Variants in KYNU observed in about 807,000 individuals in gnomAD.
The protein encoded by KYNU is kynureninase, also known as L-kynurenine hydrolase.
In KYNU, 54 loss-of-function variants were observed where a neutral mutation model predicts 59.2. The ratio of observed to expected loss-of-function variants is 0.91; its 90% CI spans 0.73 to 1.14. The LOEUF (loss-of-function observed/expected upper bound fraction) is 1.14, where lower values mean the gene tolerates loss of function less well. Among genes scored for constraint, KYNU ranks in the 50% most tolerant of loss-of-function variants. The probability of loss-of-function intolerance (pLI) is 0.00; values close to 1 mark genes in which losing one functional copy is unlikely to be tolerated. For synonymous variants in KYNU, 177 were observed against 192.0 expected (o/e 0.92, Z 0.65); for missense variants, 567 against 554.4 (o/e 1.02, Z -0.23).
intron 10 of KYNU, among the ~76,000 whole-genome samples, chr2:143,023,204 A>G (rs1686456413): frequency 6.6e-6 from 1 of 151,940 alleles, no homozygotes; most frequent in South Asian, 2.1e-4. Context: ...TTACCAATTC[A>G]GTATGTATTT....
chr2:142,946,672 G>A (rs1683792016), intron 4 of KYNU, among the ~76,000 whole-genome samples: 1 of 152,174 alleles, frequency 6.6e-6, no homozygotes, highest in Non-Finnish European at 1.5e-5. Flanking sequence ...AGTAGATTAA[G>A]CATAATTCTT....
At position 143,045,855 on chromosome 2, in the gene KYNU, C is replaced by T. The variant is rs188027085; in HGVS notation, c.*3683C>T. 3.2e-4 allele frequency: 49 copies of T among 152,192 alleles called. 1 individual carries two copies. The highest frequency in any genetic ancestry group is 1.1e-3 in the African/African-American group (47 of 41,540). The allele number at this position is 152,192 out of a possible 1,614,324, so 9.4% of individuals were successfully genotyped here. ...ACAAAACATATGTGTTTTCAGTTCT[C>T]ATGGAACAAGCAGCTTAGTAGGAGA... On this transcript the variant is annotated 3_prime_UTR_variant, in exon 14 of 14. Coordinates refer to ENST00000264170, the MANE Select transcript of KYNU (RefSeq NM_003937.3).
At chr2:143,007,335 AAT>A (rs1277890639) in intron 10 of KYNU, among the ~76,000 whole-genome samples, 1 of 150,594 alleles carries the variant, frequency 6.6e-6, no homozygotes, top group African/African-American at 2.5e-5. Context: ...AATGAAATGA[AAT>A]GAGAAGGGAA....
At chr2:142,903,470 A>G (rs1573769538) in intron 2 of KYNU, among the ~76,000 whole-genome samples, 1 of 152,010 alleles carries the variant, frequency 6.6e-6, no homozygotes, top group Non-Finnish European at 1.5e-5. Context: ...TGAAAAGAGT[A>G]AAGTTCCCCA....
intron 13 of KYNU, among the ~76,000 whole-genome samples, chr2:143,040,914 A>C (rs184255537): frequency 1.3e-5 from 2 of 152,216 alleles, no homozygotes; most frequent in Admixed American, 1.3e-4. Context: ...TTCTTTTCAT[A>C]ACAGTTTGGG....
chr2:142,924,806 A>AACTTTAATACTGATGTTTATAACGGC, intron 3 of KYNU, among the ~76,000 whole-genome samples: 1 of 152,168 alleles, frequency 6.6e-6, no homozygotes, highest in Non-Finnish European at 1.5e-5. Context: ...ATTTTTTCTT[A>AACTTTAATACTGATGTTTATAACGGC]ACTTTAATAC....
At chr2:143,023,686 G>A (rs1686471411) in intron 10 of KYNU, among the ~76,000 whole-genome samples, 1 of 151,520 alleles carries the variant, frequency 6.6e-6, no homozygotes, top group Non-Finnish European at 1.5e-5. Context: ...TTAGGTAGAA[G>A]GAAGAGGAAA....
chr2:142,997,316 A>G (rs938574674), intron 10 of KYNU, among the ~76,000 whole-genome samples: 1 of 152,292 alleles, frequency 6.6e-6, no homozygotes, highest in Admixed American at 6.5e-5. Flanking sequence ...CATACTTCAG[A>G]TTAGGTTATA....
At chr2:143,017,256 T>A (rs955131541) in intron 10 of KYNU, among the ~76,000 whole-genome samples, 2 of 152,090 alleles carry the variant, frequency 1.3e-5, no homozygotes, top group Admixed American at 6.6e-5. Flanking sequence ...TTATTTTGGA[T>A]ATGTACCCAG....
At position 142,977,474 on chromosome 2, in the gene KYNU, C is replaced by T. The variant is rs186935434; in HGVS notation, c.730-7610C>T. ...GTTGGAACAGTATTCTGGTTTTGTC[C>T]TGCAGAAAACGTAAGCTTTGGTTCT... is the stretch of plus-strand genomic sequence containing the variant. On this transcript the variant is annotated intron_variant, in intron 8 of 13. Coordinates refer to ENST00000264170, the MANE Select transcript of KYNU (RefSeq NM_003937.3). Among the ~76,000 whole-genome samples the T allele has an allele frequency of 2.0e-5, 3 of 150,462 alleles. No individual in the cohort carries two copies. In the Admixed American group the frequency reaches 2.0e-4, roughly 10 times the overall value.
chr2:142,965,909 CT>C (rs980541503), intron 8 of KYNU, among the ~76,000 whole-genome samples: 22 of 152,008 alleles, frequency 1.4e-4, no homozygotes, highest in African/African-American at 2.7e-4. Flanking sequence ...CTCCTTTTTC[CT>C]TTTTTTCTAT....
intron 4 of KYNU, 29 bp from the exon 5 acceptor site, chr2:142,954,781 A>T: frequency 6.9e-7 from 1 of 1,454,056 alleles, no homozygotes; most frequent in Non-Finnish European, 9.7e-7. Flanking sequence ...TAGTACAAAC[A>T]TCTAAATTAC....
chr2:142,909,197 C>A, intron 2 of KYNU, among the ~76,000 whole-genome samples: 1 of 150,454 alleles, frequency 6.6e-6, no homozygotes. Flanking sequence ...GATAGGTAAT[C>A]CATATTTGTA....
At chr2:142,999,198 G>A (rs1473034628) in intron 10 of KYNU, among the ~76,000 whole-genome samples, 2 of 151,764 alleles carry the variant, frequency 1.3e-5, no homozygotes, top group African/African-American at 4.8e-5. Flanking sequence ...GAATATCCTG[G>A]GTCATGATGG....
chr2:142,881,909 CTTTTTTCTT>C (rs1285151156), intron 1 of KYNU, among the ~76,000 whole-genome samples: 5 of 124,668 alleles, frequency 4.0e-5, no homozygotes, highest in African/African-American at 1.7e-4. Flanking sequence ...CTTTTCTTTT[CTTTTTTCTT>C]TTTTTTTTTT....
At chr2:142,961,275 C>CTTTTT (rs1156276566) in intron 8 of KYNU, among the ~76,000 whole-genome samples, 31 of 94,432 alleles carry the variant, frequency 3.3e-4, no homozygotes, top group Non-Finnish European at 4.2e-4. Flanking sequence ...ATTTAAACTG[C>CTTTTT]TTTTTTTTTT....
At chr2:142,878,586 G>A (rs1355275567) in intron 1 of KYNU, among the ~76,000 whole-genome samples, 2 of 152,148 alleles carry the variant, frequency 1.3e-5, no homozygotes, top group African/African-American at 4.8e-5. Flanking sequence ...GTGAAACTGT[G>A]TAAAGATTAA....
intron 4 of KYNU, among the ~76,000 whole-genome samples, chr2:142,937,629 G>T (rs1402140607): frequency 1.3e-5 from 2 of 152,194 alleles, no homozygotes; most frequent in Admixed American, 1.3e-4. Context: ...TGTGGACAGA[G>T]AAAGTAAAGT....
At chr2:142,885,116 C>T (rs1260032273) in intron 1 of KYNU, among the ~76,000 whole-genome samples, 4 of 139,630 alleles carry the variant, frequency 2.9e-5, no homozygotes, top group Non-Finnish European at 4.6e-5. Flanking sequence ...CCGCCCACCT[C>T]GGCCTCCCAA....
Sources: allele counts gnomAD v4.1 joint callset (sites outside exome capture counted in the v4.1 genomes callset), GRCh38; gene constraint gnomAD v4.1.1; transcripts MANE v1.5; gene names NCBI Gene and HGNC (gene_info 2026-07-23, HGNC 2026-07-21).